Variants in NAV3 observed in about 807,000 individuals in gnomAD.
The protein encoded by NAV3 is pore membrane and/or filament interacting like protein 1.
Under a neutral mutation model 244.7 loss-of-function variants are expected in NAV3, and 87 were observed. The ratio of observed to expected loss-of-function variants is 0.36; its 90% CI spans 0.30 to 0.42. The LOEUF is 0.42. NAV3 is among the 20% of genes least tolerant of loss of function. The pLI is 1.00. For missense variants in NAV3, 2,663 were observed against 2,893.3 expected (o/e 0.92, Z 1.83); for synonymous variants, 1,126 against 1,042.2 (o/e 1.08, Z -1.55).
At chr12:77,864,169 C>G (rs1485618313) in intron 1 of NAV3, among the ~76,000 whole-genome samples, 1 of 151,868 alleles carries the variant, frequency 6.6e-6, no homozygotes, top group Non-Finnish European at 1.5e-5. Flanking sequence ...CTTCTTCCTT[C>G]ACCCCTTATT....
At chr12:78,051,574 A>AT (rs1375560937) in intron 11 of NAV3, among the ~76,000 whole-genome samples, 1 of 152,104 alleles carries the variant, frequency 6.6e-6, no homozygotes, top group Non-Finnish European at 1.5e-5. Flanking sequence ...TCAATTATGC[A>AT]TCCCCAATTT....
intron 2 of NAV3, among the ~76,000 whole-genome samples, chr12:77,768,382 G>T (rs549097657): frequency 2.9e-3 from 445 of 152,250 alleles, no homozygotes; most frequent in Non-Finnish European, 5.1e-3. Flanking sequence ...TGTCATCCAG[G>T]GTGCCCAGGC....
intron 2 of NAV3, among the ~76,000 whole-genome samples, chr12:77,723,370 TTA>T (rs1876727591): frequency 6.6e-6 from 1 of 151,958 alleles, no homozygotes; most frequent in Admixed American, 6.6e-5. Flanking sequence ...GTTTTTTTTT[TTA>T]AATTTGATTT....
chr12:77,648,737 T>G (rs1266458810), intron 2 of NAV3, among the ~76,000 whole-genome samples: 1 of 152,090 alleles, frequency 6.6e-6, no homozygotes, highest in Non-Finnish European at 1.5e-5. Context: ...GCTCAAGAGG[T>G]CTTTTAAGAT....
rs527860535 is a variant in NAV3 at position 77,991,288 on chromosome 12, T to C, written c.672-3515T>C. 6.6e-5 allele frequency among the ~76,000 whole-genome samples: 10 copies of C among 152,288 alleles called. No individual in the cohort carries two copies. In the South Asian group the frequency reaches 2.1e-3, roughly 32 times the overall value. On this transcript the variant is annotated intron_variant, in intron 5 of 39. Transcript: ENST00000397909. The stretch of plus-strand genomic sequence containing the variant: ...ATCTACCTGCCTCAGACTCCCAAAG[T>C]GCTGTGATTACCGATGTGAGCCACT...
intron 8 of NAV3, among the ~76,000 whole-genome samples, chr12:78,017,339 G>A (rs1280373572): frequency 6.6e-6 from 1 of 152,120 alleles, no homozygotes; most frequent in African/African-American, 2.4e-5. Context: ...AGGCTGAGGT[G>A]AGAGCATCTC....
At chr12:77,793,313 A>T (rs1232942289) in intron 2 of NAV3, among the ~76,000 whole-genome samples, 2 of 152,038 alleles carry the variant, frequency 1.3e-5, no homozygotes, top group Admixed American at 6.6e-5. Context: ...TAATTTTTTT[A>T]TTTTACTTTA....
At chr12:78,193,227 C>T (rs1225408900) in intron 34 of NAV3, among the ~76,000 whole-genome samples, 1 of 152,192 alleles carries the variant, frequency 6.6e-6, no homozygotes, top group Non-Finnish European at 1.5e-5. Flanking sequence ...CATTCTGTTC[C>T]TCTTCCCACA....
chr12:77,773,547 A>G (rs373713212), intron 2 of NAV3, among the ~76,000 whole-genome samples: 9 of 152,270 alleles, frequency 5.9e-5, no homozygotes, highest in African/African-American at 2.2e-4. Context: ...TCCTGATGGA[A>G]TTTAAAATTT....
intron 7 of NAV3, among the ~76,000 whole-genome samples, chr12:78,003,409 T>C (rs566153435): frequency 2.6e-5 from 4 of 152,334 alleles, no homozygotes; most frequent in African/African-American, 9.6e-5. Flanking sequence ...TCTATATCAA[T>C]GAGCACAATG....
intron 3 of NAV3, among the ~76,000 whole-genome samples, chr12:77,964,212 T>G (rs1892316601): frequency 6.6e-6 from 1 of 152,046 alleles, no homozygotes; most frequent in African/African-American, 2.4e-5. Flanking sequence ...TCTTACAAAC[T>G]TAGTTACAGA....
chr12:77,764,278 A>G (rs1869633328), intron 2 of NAV3, among the ~76,000 whole-genome samples: 1 of 152,220 alleles, frequency 6.6e-6, no homozygotes, highest in Non-Finnish European at 1.5e-5. Flanking sequence ...ACTGAGTAAT[A>G]GAATCTGTTC....
intron 4 of NAV3, among the ~76,000 whole-genome samples, chr12:77,967,904 T>C (rs1046255849): frequency 6.6e-6 from 1 of 152,148 alleles, no homozygotes; most frequent in South Asian, 2.1e-4. Context: ...AAAATTGATA[T>C]GTCTGCTTTT....
intron 2 of NAV3, among the ~76,000 whole-genome samples, chr12:77,690,252 G>A (rs562276514): frequency 5.5e-4 from 83 of 151,850 alleles, no homozygotes; most frequent in African/African-American, 1.9e-3. Flanking sequence ...CTGAAGAAAC[G>A]AACTGTCTCA....
At chr12:77,787,232 T>C (rs1870945568) in intron 2 of NAV3, among the ~76,000 whole-genome samples, 1 of 152,186 alleles carries the variant, frequency 6.6e-6, no homozygotes, top group Non-Finnish European at 1.5e-5. Context: ...CTTCATGATA[T>C]ATTCATTTTT....
At position 78,210,381 on chromosome 12, in the gene NAV3, C is replaced by CT; in HGVS notation, c.7039-11dup. 1.9e-6 allele frequency: 3 copies of CT among 1,613,184 alleles called. No homozygotes were observed. Among genetic ancestry groups the CT allele is most frequent in the Non-Finnish European group, 2.5e-6 (3 of 1,179,660 alleles). On this transcript the variant is annotated splice_polypyrimidine_tract_variant and intron_variant, in intron 39 of 39. Coordinates refer to ENST00000397909, the MANE Select transcript of NAV3 (RefSeq NM_001024383.2). ...AATGCATCATTGCCTACATCGATGT[C>CT]TTTTTTCTTTCTTCAGATGAATATG...
chr12:77,614,055 G>A (rs1315233900), intron 2 of NAV3, among the ~76,000 whole-genome samples: 1 of 133,994 alleles, frequency 7.5e-6, no homozygotes, highest in African/African-American at 2.8e-5. Flanking sequence ...CTTTGACTTT[G>A]CCTTTCTTTT....
chr12:77,933,129 G>T (rs1347385396), intron 1 of NAV3, among the ~76,000 whole-genome samples: 2 of 151,770 alleles, frequency 1.3e-5, no homozygotes, highest in African/African-American at 4.8e-5. Context: ...CATTTTTTTT[G>T]AAGTTAAGTG....
At chr12:78,010,566 C>G (rs1875092719) in intron 8 of NAV3, among the ~76,000 whole-genome samples, 1 of 151,996 alleles carries the variant, frequency 6.6e-6, no homozygotes, top group African/African-American at 2.4e-5. Context: ...GATCATAAAG[C>G]TAGTAGAAAT....
Sources: allele counts gnomAD v4.1 joint callset (sites outside exome capture counted in the v4.1 genomes callset), GRCh38; gene constraint gnomAD v4.1.1; transcripts MANE v1.5; gene names NCBI Gene and HGNC (gene_info 2026-07-23, HGNC 2026-07-21).